The following HS3ST4 variants were observed in gnomAD, a reference collection of about 807,000 sequenced individuals.
The protein encoded by HS3ST4 is heparan sulfate glucosamine 3-O-sulfotransferase 4.
A neutral mutation model predicts 29.2 loss-of-function variants in HS3ST4; 17 were observed. The ratio of observed to expected loss-of-function variants is 0.58; its 90% CI spans 0.40 to 0.87. HS3ST4 has a LOEUF of 0.87. Among genes scored for constraint, HS3ST4 ranks in the 40% least tolerant of loss-of-function variants. HS3ST4 has a pLI of 0.00. For synonymous variants in HS3ST4, 314 were observed against 285.7 expected (o/e 1.10, Z -1.00); for missense variants, 627 against 634.5 (o/e 0.99, Z 0.13).
rs548129638 is a variant in HS3ST4 at position 25,706,492 on chromosome 16, G to A, written c.734+13341G>A. On this transcript the variant is annotated intron_variant, in intron 1 of 1. Coordinates refer to ENST00000331351, the MANE Select transcript of HS3ST4 (RefSeq NM_006040.3). ...AACCCGTCATCTAGGTTTTAAGCCC[G>A]GCATGCATTAGGTATTTGTCCTAAT... is the stretch of plus-strand genomic sequence containing the variant. Among the ~76,000 whole-genome samples the A allele has an allele frequency of 5.9e-5, 9 of 152,064 alleles. No homozygotes were observed. In the South Asian group the frequency reaches 8.3e-4, roughly 14 times the overall value.
Position 25,903,362 on chromosome 16 carries a change from ATCT to A in HS3ST4, c.734+210213_734+210215del, listed in dbSNP as rs1489798117. Among the ~76,000 whole-genome samples the A allele has an allele frequency of 3.1e-4, 35 of 112,460 alleles. 1 individual carries two copies. The highest frequency in any genetic ancestry group is 8.5e-4 in the African/African-American group (29 of 34,008). 73.8% of individuals were successfully genotyped at this position (112,460 alleles called of 152,430 possible). On this transcript the variant is annotated intron_variant, in intron 1 of 1. Coordinates refer to ENST00000331351, the MANE Select transcript of HS3ST4 (RefSeq NM_006040.3). ...ATATATTATATATATGTATATGTAT[ATCT>A]TATATATATATATATATAAAATCAC...
At chr16:25,700,419 T>C (rs1249641314) in intron 1 of HS3ST4, among the ~76,000 whole-genome samples, 1 of 152,204 alleles carries the variant, frequency 6.6e-6, no homozygotes, top group African/African-American at 2.4e-5. Flanking sequence ...AATGCAGGAT[T>C]GCTCCCCAAG....
intron 1 of HS3ST4, among the ~76,000 whole-genome samples, chr16:26,075,142 G>T (rs528736062): frequency 6.6e-6 from 1 of 152,162 alleles, no homozygotes; most frequent in Non-Finnish European, 1.5e-5. Context: ...GCAGTGAGCC[G>T]AGGTGGTGCC....
At chr16:25,866,746 A>T (rs923836907) in intron 1 of HS3ST4, among the ~76,000 whole-genome samples, 7 of 152,214 alleles carry the variant, frequency 4.6e-5, no homozygotes, top group Admixed American at 4.6e-4. Flanking sequence ...TAGGTGCAGC[A>T]AACCACCATG....
Position 26,024,109 on chromosome 16 carries a change from A to C in HS3ST4, c.735-111503A>C, listed in dbSNP as rs150072443. Reference sequence around the variant, plus strand: ...TGTGGTGGCACATGCCTGTAATCCCAGCTACTTGGGAGGCTGAAGCAGGAG... The same window carrying C: ...TGTGGTGGCACATGCCTGTAATCCCCGCTACTTGGGAGGCTGAAGCAGGAG... On this transcript the variant is annotated intron_variant, in intron 1 of 1. Transcript: ENST00000331351. Among the ~76,000 whole-genome samples the C allele has an allele frequency of 6.0e-3, 907 of 152,120 alleles. 13 individuals are homozygous for C. The highest frequency in any genetic ancestry group is 0.021 in the African/African-American group (861 of 41,470).
chr16:25,844,166 C>T (rs1967442281), intron 1 of HS3ST4, among the ~76,000 whole-genome samples: 2 of 152,164 alleles, frequency 1.3e-5, no homozygotes, highest in Non-Finnish European at 2.9e-5. Flanking sequence ...ACCGTGTTGT[C>T]CCCTCCCTGG....
chr16:26,052,025 A>G (rs1179665574), intron 1 of HS3ST4, among the ~76,000 whole-genome samples: 2 of 151,846 alleles, frequency 1.3e-5, no homozygotes, highest in South Asian at 2.1e-4. Flanking sequence ...CATGAAATCT[A>G]AAAATATTAT....
chr16:25,750,640 A>G (rs1966712926), intron 1 of HS3ST4, among the ~76,000 whole-genome samples: 1 of 152,214 alleles, frequency 6.6e-6, no homozygotes, highest in South Asian at 2.1e-4. Context: ...CAGCATTGCC[A>G]TCTTGGAAGC....
At chr16:25,733,596 C>T (rs1396206136) in intron 1 of HS3ST4, among the ~76,000 whole-genome samples, 1 of 152,160 alleles carries the variant, frequency 6.6e-6, no homozygotes. Context: ...TGGGCTTGAA[C>T]ACAAGGAGGC....
chr16:25,934,098 C>G (rs559014333), intron 1 of HS3ST4, among the ~76,000 whole-genome samples: 1 of 152,308 alleles, frequency 6.6e-6, no homozygotes, highest in Non-Finnish European at 1.5e-5. Flanking sequence ...GAGGAGGTTC[C>G]TGCTTCTCAG....
At chr16:25,908,757 G>A (rs780859641) in intron 1 of HS3ST4, among the ~76,000 whole-genome samples, 2 of 152,198 alleles carry the variant, frequency 1.3e-5, no homozygotes, top group African/African-American at 2.4e-5. Flanking sequence ...GAATCACAGC[G>A]CAGAAGCTGC....
chr16:25,850,642 T>C (rs940748577), intron 1 of HS3ST4, among the ~76,000 whole-genome samples: 2 of 152,196 alleles, frequency 1.3e-5, no homozygotes, highest in Non-Finnish European at 2.9e-5. Flanking sequence ...CCCAAAACAA[T>C]TGCTGCAGCT....
At chr16:25,924,542 C>T (rs1303786910) in intron 1 of HS3ST4, among the ~76,000 whole-genome samples, 1 of 152,138 alleles carries the variant, frequency 6.6e-6, no homozygotes, top group Admixed American at 6.5e-5. Flanking sequence ...TTGTTGTATA[C>T]CAGGTACTAC....
At chr16:25,739,481 T>G (rs985615069) in intron 1 of HS3ST4, among the ~76,000 whole-genome samples, 2 of 152,206 alleles carry the variant, frequency 1.3e-5, no homozygotes, top group Non-Finnish European at 2.9e-5. Context: ...TTTTGCTGTC[T>G]CCTTTTCTGT....
intron 1 of HS3ST4, among the ~76,000 whole-genome samples, chr16:25,959,543 T>A (rs1968773048): frequency 6.6e-6 from 1 of 152,152 alleles, no homozygotes; most frequent in African/African-American, 2.4e-5. Flanking sequence ...ACTCTATCTC[T>A]TCATGGGGAA....
At chr16:26,029,540 G>T (rs977857922) in intron 1 of HS3ST4, among the ~76,000 whole-genome samples, 6 of 152,074 alleles carry the variant, frequency 3.9e-5, no homozygotes, top group African/African-American at 1.4e-4. Flanking sequence ...AGCCTCCTGA[G>T]TAGCTGGGGT....
chr16:26,014,392 T>C (rs986728286), intron 1 of HS3ST4, among the ~76,000 whole-genome samples: 5 of 152,232 alleles, frequency 3.3e-5, no homozygotes, highest in African/African-American at 9.6e-5. Flanking sequence ...GTTTGTTATA[T>C]AGGTAAATTG....
intron 1 of HS3ST4, among the ~76,000 whole-genome samples, chr16:25,882,562 C>T (rs1055149905): frequency 6.6e-6 from 1 of 152,100 alleles, no homozygotes. Flanking sequence ...GTTTTAGTGT[C>T]CTTCCAGCTC....
chr16:25,880,055 T>C lies in HS3ST4; in HGVS notation c.734+186904T>C, dbSNP rs566887785. ...GATTATTACAATTCACGGTGAGATT[T>C]GGATGGGGACGCAGCCAAACCAGAT... On this transcript the variant is annotated intron_variant, in intron 1 of 1. Coordinates refer to ENST00000331351, the MANE Select transcript of HS3ST4 (RefSeq NM_006040.3). Among the ~76,000 whole-genome samples, 144 of 152,320 alleles carry C rather than the reference T, an allele frequency of 9.5e-4. 1 individual carries two copies. Among genetic ancestry groups the C allele is most frequent in the African/African-American group, 3.2e-3 (134 of 41,580 alleles).
Sources: allele counts gnomAD v4.1 joint callset (sites outside exome capture counted in the v4.1 genomes callset), GRCh38; gene constraint gnomAD v4.1.1; transcripts MANE v1.5; gene names NCBI Gene and HGNC (gene_info 2026-07-23, HGNC 2026-07-21).